PNKD: variants seen among roughly 807,000 people sequenced by gnomAD.
PNKD encodes the protein PNKD metallo-beta-lactamase domain containing, also known as probable thioesterase PNKD.
PNKD carries 36 observed loss-of-function variants against 45.3 expected under a neutral mutation model. That is an observed-to-expected ratio of 0.80 (90% CI 0.61 to 1.05). The LOEUF (loss-of-function observed/expected upper bound fraction) is 1.05. Among genes scored for constraint, PNKD ranks in the 50% least tolerant of loss-of-function variants. The probability of loss-of-function intolerance (pLI) is 0.00; values close to 1 mark genes in which losing one functional copy is unlikely to be tolerated. For synonymous variants in PNKD, 197 were observed against 210.1 expected (o/e 0.94, Z 0.54); for missense variants, 511 against 506.6 (o/e 1.01, Z -0.08).
chr2:218,280,027 T>C (rs1300068689), intron 2 of PNKD: 1 of 1,613,986 alleles, frequency 6.2e-7, no homozygotes, highest in Non-Finnish European at 8.5e-7. Context: ...GTATCTTACC[T>C]TTCGGATAAA....
chr2:218,340,182 T>A lies in PNKD; in HGVS notation c.465+41T>A. On this transcript the variant is annotated intron_variant, in intron 4 of 9. Transcript: ENST00000273077. The surrounding 1 kb of genome is among the most constrained non-coding windows in gnomAD (Gnocchi z 4.2). ...GGAGCAGGGGGTGCCTGGAGTCACC[T>A]TGGGGACTGGCAGTTTCGCCTTGCT... The A allele has an allele frequency of 2.3e-6, 3 of 1,289,438 alleles. No individual in the cohort carries two copies. The highest frequency in any genetic ancestry group is 3.4e-6 in the Non-Finnish European group (3 of 887,564). The allele number at this position is 1,289,438 out of a possible 1,614,324, so 79.9% of individuals were successfully genotyped here.
intron 2 of PNKD, among the ~76,000 whole-genome samples, chr2:218,333,246 A>C (rs1694382721): frequency 6.6e-6 from 1 of 152,154 alleles, no homozygotes; most frequent in Admixed American, 6.5e-5. Flanking sequence ...CACTGTGTCC[A>C]TCATGCACAG....
chr2:218,341,419 C>T (rs767047363), intron 5 of PNKD, 115 bp from the exon 6 acceptor site: 2 of 666,864 alleles, frequency 3.0e-6, no homozygotes, highest in Non-Finnish European at 5.3e-6. Flanking sequence ...GACAACTTGG[C>T]TTAGTCCAGA....
intron 2 of PNKD, among the ~76,000 whole-genome samples, chr2:218,300,577 G>A (rs1158050692): frequency 7.0e-6 from 1 of 143,408 alleles, no homozygotes; most frequent in Non-Finnish European, 1.5e-5. Flanking sequence ...ATGGAGTCTC[G>A]CTCTGTTGCC....
intron 2 of PNKD, among the ~76,000 whole-genome samples, chr2:218,332,436 G>A (rs1204465379): frequency 5.3e-5 from 8 of 152,190 alleles, no homozygotes; most frequent in African/African-American, 1.7e-4. Flanking sequence ...GGCAGATGGA[G>A]GGAGAGCCTA....
At chr2:218,304,278 C>T (rs1693354469) in intron 2 of PNKD, among the ~76,000 whole-genome samples, 1 of 152,158 alleles carries the variant, frequency 6.6e-6, no homozygotes, top group Non-Finnish European at 1.5e-5. Context: ...TCCCAAGTAG[C>T]TGGGATTACA....
chr2:218,329,235 G>A (rs968489100), intron 2 of PNKD, among the ~76,000 whole-genome samples: 1 of 152,148 alleles, frequency 6.6e-6, no homozygotes, highest in Non-Finnish European at 1.5e-5. Flanking sequence ...CAAAAACTAA[G>A]GGGCCTTGGA....
rs1574636841 is a variant in PNKD, at chr2:218,279,608, A to G, written c.236+8059A>G. ...TACTGACTTGCCCTGCCTGGCCACC[A>G]TACTCTACCAGTATGGCCTCTGCAC... On this transcript the variant is annotated intron_variant, in intron 2 of 9. Coordinates refer to ENST00000273077, the MANE Select transcript of PNKD (RefSeq NM_015488.5). The G allele has an allele frequency of 1.2e-5, 6 of 502,000 alleles. No individual in the cohort carries two copies. In the East Asian group the frequency reaches 1.7e-4, roughly 14 times the overall value. The allele number at this position is 502,000 out of a possible 1,614,324, so 31.1% of individuals were successfully genotyped here.
Position 218,344,902 on chromosome 2 carries a change from C to G in PNKD, c.1079C>G (p.Pro360Arg). Residue 360 changes from proline (P) to arginine (R), a missense_variant, in exon 10 of 10, where the codon CCC (proline) becomes CGC (arginine). Pro to Arg is a moderately radical substitution (Grantham distance 103). Coordinates refer to ENST00000273077, the MANE Select transcript of PNKD (RefSeq NM_015488.5). ...LQEALGPGPG[P>R]TGDDDYSRAQ... ...GAGGCTCTGGGGCCGGGGCCGGGCC[C>G]CACTGGGGATGATGACTACTCCCGG... 1.2e-6 allele frequency: 2 copies of G among 1,614,014 alleles called. No homozygotes were observed. The highest frequency in any genetic ancestry group is 1.7e-6 in the Non-Finnish European group (2 of 1,179,926).
intron 2 of PNKD, chr2:218,278,495 G>A: frequency 2.5e-6 from 4 of 1,613,436 alleles, no homozygotes; most frequent in Non-Finnish European, 3.4e-6. Flanking sequence ...CTCTCACTGT[G>A]TTAAGTCTCT....
intron 2 of PNKD, among the ~76,000 whole-genome samples, chr2:218,309,527 C>T (rs1029809960): frequency 3.9e-5 from 6 of 151,990 alleles, no homozygotes; most frequent in African/African-American, 1.4e-4. Flanking sequence ...GATCTGCCCC[C>T]TTGGCCTCCC....
At chr2:218,310,592 CTTT>C (rs58558174) in intron 2 of PNKD, among the ~76,000 whole-genome samples, 4 of 115,756 alleles carry the variant, frequency 3.5e-5, no homozygotes, top group African/African-American at 3.4e-5. Context: ...TGCTTTATTG[CTTT>C]TTTTTTTTTT....
At chr2:218,299,554 C>T (rs1390248788) in intron 2 of PNKD, among the ~76,000 whole-genome samples, 1 of 152,192 alleles carries the variant, frequency 6.6e-6, no homozygotes, top group African/African-American at 2.4e-5. Context: ...AAGCCATCCT[C>T]CCACCTCAGC....
At position 218,342,164 on chromosome 2, in the gene PNKD, A is replaced by T. The variant is rs773963009; in HGVS notation, c.781+20A>T. 2.5e-6 allele frequency: 4 copies of T among 1,608,742 alleles called. No individual in the cohort carries two copies. In the East Asian group the frequency reaches 8.9e-5, roughly 36 times the overall value. On this transcript the variant is annotated intron_variant, in intron 7 of 9. Transcript: ENST00000273077. ...GCTGTGGTGAGTTTCCCCGAAAGAG[A>T]GAGGAGCTGGGAGAGGAGGGAGAGA...
intron 2 of PNKD, among the ~76,000 whole-genome samples, chr2:218,333,443 C>G (rs1694388227): frequency 6.6e-6 from 1 of 152,226 alleles, no homozygotes; most frequent in Admixed American, 6.5e-5. Context: ...GCTCTAGCAG[C>G]TGGGAGGACT....
At chr2:218,276,823 C>T (rs4674281) in intron 2 of PNKD, among the ~76,000 whole-genome samples, 148,787 of 152,216 alleles carry the variant, frequency 0.98, 72,783 homozygotes, top group East Asian at 1. Flanking sequence ...CATCTCCACA[C>T]AGAGAGTCTA....
intron 6 of PNKD, 93 bp downstream of exon 6, chr2:218,341,719 T>C (rs1017273416): frequency 7.0e-6 from 7 of 1,005,442 alleles, no homozygotes; most frequent in Non-Finnish European, 1.1e-5. Flanking sequence ...TATCAGCAGG[T>C]GGATCTTTGC....
At chr2:218,282,190 G>T in intron 2 of PNKD, 1 of 1,393,358 alleles carries the variant, frequency 7.2e-7, no homozygotes, top group East Asian at 2.7e-5. Context: ...ACCTGAAATG[G>T]GAGAGGAGAA....
chr2:218,338,006 G>C (rs1473890714), intron 2 of PNKD, among the ~76,000 whole-genome samples: 2 of 152,146 alleles, frequency 1.3e-5, no homozygotes, highest in Non-Finnish European at 2.9e-5. Context: ...AATTAGCTGG[G>C]TGTGGTGGTG....
Sources: allele counts gnomAD v4.1 joint callset (sites outside exome capture counted in the v4.1 genomes callset), GRCh38; gene constraint gnomAD v4.1.1; non-coding constraint Gnocchi (gnomAD v3.1); transcripts MANE v1.5; gene names NCBI Gene and HGNC (gene_info 2026-07-23, HGNC 2026-07-21).